The following XKR6 variants were observed in gnomAD, a reference collection of about 807,000 sequenced individuals.
XKR6 encodes XK-related protein 6.
Under a neutral mutation model 56.7 loss-of-function variants are expected in XKR6, and 22 were observed. The observed-to-expected ratio is 0.39, with a 90% CI of 0.28 to 0.55. The LOEUF (loss-of-function observed/expected upper bound fraction) is 0.55, where lower values mean the gene tolerates loss of function less well. Among genes scored for constraint, XKR6 ranks in the 20% least tolerant of loss-of-function variants. The pLI is 0.66. For missense variants in XKR6, 852 were observed against 889.0 expected, an observed-to-expected ratio of 0.96 and a Z score of 0.53; for synonymous variants, 524 against 387.8, an observed-to-expected ratio of 1.35 and a Z score of -4.13.
intron 2 of XKR6, among the ~76,000 whole-genome samples, chr8:10,912,464 T>G (rs60819573): frequency 0.089 from 10,143 of 113,930 alleles, 613 homozygotes; most frequent in East Asian, 0.22. Flanking sequence ...TATATATATA[T>G]ATAGAGAGAG....
chr8:11,040,353 G>A (rs1158604411), intron 1 of XKR6, among the ~76,000 whole-genome samples: 2 of 123,950 alleles, frequency 1.6e-5, no homozygotes, highest in Non-Finnish European at 3.2e-5. Flanking sequence ...CAGATCTCAT[G>A]TCTGCTAAAA....
At chr8:10,963,393 A>T (rs556462967) in intron 1 of XKR6, among the ~76,000 whole-genome samples, 2 of 152,164 alleles carry the variant, frequency 1.3e-5, no homozygotes, top group East Asian at 3.9e-4. Context: ...TTCCATAGCC[A>T]TTTCCATGGA....
chr8:11,173,682 A>C (rs1194933083), intron 1 of XKR6, among the ~76,000 whole-genome samples: 1 of 152,074 alleles, frequency 6.6e-6, no homozygotes, highest in Non-Finnish European at 1.5e-5. Context: ...AGCAGTTGTT[A>C]CTGTGATTCC....
intron 1 of XKR6, among the ~76,000 whole-genome samples, chr8:11,009,235 G>A (rs1440967845): frequency 6.6e-6 from 1 of 152,190 alleles, no homozygotes; most frequent in Non-Finnish European, 1.5e-5. Flanking sequence ...GTTTGGCCGG[G>A]CATGGTGACT....
chr8:11,095,640 A>G (rs543002762), intron 1 of XKR6, among the ~76,000 whole-genome samples: 62 of 152,370 alleles, frequency 4.1e-4, no homozygotes, highest in African/African-American at 1.4e-3. Flanking sequence ...TCTAATGAGT[A>G]ACTCAAGCCA....
intron 1 of XKR6, among the ~76,000 whole-genome samples, chr8:11,009,635 C>T (rs1798455737): frequency 1.3e-5 from 2 of 152,134 alleles, no homozygotes; most frequent in African/African-American, 4.8e-5. Context: ...AACCAGCACT[C>T]AAAACTGTCA....
intron 1 of XKR6, among the ~76,000 whole-genome samples, chr8:11,022,709 G>A (rs777802593): frequency 5.3e-5 from 8 of 152,306 alleles, no homozygotes; most frequent in South Asian, 4.2e-4. Context: ...GTTATCTTGC[G>A]CAAGGCCCTG....
chr8:11,104,807 A>G (rs1798615907), intron 1 of XKR6: 2 of 152,240 alleles, frequency 1.3e-5, no homozygotes, highest in Admixed American at 6.5e-5. Flanking sequence ...AAGTGTGAAA[A>G]GTGATCAGCA....
chr8:11,162,028 G>C (rs1386223872), intron 1 of XKR6, among the ~76,000 whole-genome samples: 2 of 152,140 alleles, frequency 1.3e-5, no homozygotes, highest in African/African-American at 2.4e-5. Context: ...TCTACATCTA[G>C]AAAGCAATCC....
chr8:11,103,150 C>T (rs1798546998), intron 1 of XKR6, among the ~76,000 whole-genome samples: 1 of 152,088 alleles, frequency 6.6e-6, no homozygotes, highest in East Asian at 1.9e-4. Flanking sequence ...TGAATTAATC[C>T]TACTTAATCT....
At chr8:10,948,981 G>A (rs1012446509) in intron 1 of XKR6, among the ~76,000 whole-genome samples, 4 of 152,176 alleles carry the variant, frequency 2.6e-5, no homozygotes, top group African/African-American at 4.8e-5. Context: ...GCAGCCTCTC[G>A]GGAGGCTCCT....
intron 1 of XKR6, chr8:11,106,256 C>CA: frequency 6.6e-6 from 1 of 152,258 alleles, no homozygotes; most frequent in South Asian, 2.1e-4. Context: ...ATCTTGCTTT[C>CA]AAAATCTTAT....
intron 1 of XKR6, among the ~76,000 whole-genome samples, chr8:10,996,360 T>G: frequency 6.6e-6 from 1 of 152,206 alleles, no homozygotes; most frequent in Non-Finnish European, 1.5e-5. Flanking sequence ...GACAATATCT[T>G]GTTACTGCTC....
chr8:10,901,624 T>C (rs1586283001), intron 2 of XKR6, among the ~76,000 whole-genome samples: 1 of 152,198 alleles, frequency 6.6e-6, no homozygotes, highest in Non-Finnish European at 1.5e-5. Flanking sequence ...TACCGACCCA[T>C]AGTAATCAGA....
At chr8:11,070,974 C>G (rs1800100003) in intron 1 of XKR6, among the ~76,000 whole-genome samples, 1 of 152,198 alleles carries the variant, frequency 6.6e-6, no homozygotes, top group African/African-American at 2.4e-5. Flanking sequence ...GGGGCGCTAT[C>G]CCAAGAAGCT....
intron 1 of XKR6, among the ~76,000 whole-genome samples, chr8:10,937,886 C>G (rs1801261323): frequency 6.6e-6 from 1 of 152,034 alleles, no homozygotes. Context: ...GAGGTGGAGC[C>G]TACAGAGGCA....
chr8:11,022,154 C>G (rs1282988040), intron 1 of XKR6, among the ~76,000 whole-genome samples: 1 of 149,268 alleles, frequency 6.7e-6, no homozygotes, highest in Non-Finnish European at 1.5e-5. Flanking sequence ...AGAAAGGGGC[C>G]CTCTCTTAAA....
At chr8:10,961,920 G>A (rs557664323) in intron 1 of XKR6, among the ~76,000 whole-genome samples, 75 of 152,288 alleles carry the variant, frequency 4.9e-4, no homozygotes, top group Non-Finnish European at 6.8e-4. Flanking sequence ...TGACAATAAC[G>A]TGGGGCATTT....
intron 1 of XKR6, among the ~76,000 whole-genome samples, chr8:11,185,635 G>C (rs1030154491): frequency 2.0e-5 from 3 of 152,170 alleles, no homozygotes; most frequent in Non-Finnish European, 4.4e-5. Flanking sequence ...CCAATGATGG[G>C]ACATGATTTT....
Sources: allele counts gnomAD v4.1 joint callset (sites outside exome capture counted in the v4.1 genomes callset), GRCh38; gene constraint gnomAD v4.1.1; transcripts MANE v1.5; gene names NCBI Gene and HGNC (gene_info 2026-07-23, HGNC 2026-07-21).